Variants in RAPGEF5 observed in about 807,000 individuals in gnomAD.
The protein encoded by RAPGEF5 is M-Ras-regulated GEF.
A neutral mutation model predicts 125.2 loss-of-function variants in RAPGEF5; 65 were observed. That is an observed-to-expected ratio of 0.52 (90% CI 0.43 to 0.64). The LOEUF is 0.64. Ranked by LOEUF, RAPGEF5 falls within the 30% of genes least tolerant of loss-of-function variation. The pLI is 0.00. For missense variants in RAPGEF5, 958 were observed against 1,048.1 expected (o/e 0.91, Z 1.19); for synonymous variants, 391 against 385.9 (o/e 1.01, Z -0.16).
intron 25 of RAPGEF5, among the ~76,000 whole-genome samples, chr7:22,123,205 G>C (rs1467430763): frequency 6.6e-6 from 1 of 152,198 alleles, no homozygotes; most frequent in Non-Finnish European, 1.5e-5. Flanking sequence ...ATCTAGGGCA[G>C]TCAAGGAATC....
intron 11 of RAPGEF5, among the ~76,000 whole-genome samples, chr7:22,175,365 T>C (rs1032830006): frequency 1.5e-4 from 23 of 152,188 alleles, no homozygotes; most frequent in African/African-American, 5.5e-4. Context: ...ACACCATATA[T>C]CACACTGTTT....
chr7:22,162,867 T>C (rs1981601), intron 12 of RAPGEF5: 267,783 of 473,692 alleles, frequency 0.57, 76,796 homozygotes, highest in East Asian at 0.66. Context: ...ACAGTGACTC[T>C]AAGAAGAGAG....
At chr7:22,302,654 CAG>C (rs1050754516) in intron 5 of RAPGEF5, among the ~76,000 whole-genome samples, 2 of 152,094 alleles carry the variant, frequency 1.3e-5, no homozygotes, top group African/African-American at 2.4e-5. Context: ...CCTTGAGAAA[CAG>C]GGAGAAATAC....
At chr7:22,316,672 T>G (rs1783607316) in intron 2 of RAPGEF5, among the ~76,000 whole-genome samples, 1 of 150,482 alleles carries the variant, frequency 6.6e-6, no homozygotes, top group Non-Finnish European at 1.5e-5. Context: ...TGTTTTTTGT[T>G]TTTTTTTGTA....
intron 7 of RAPGEF5, among the ~76,000 whole-genome samples, chr7:22,249,226 C>T (rs1786556818): frequency 6.6e-6 from 1 of 152,192 alleles, no homozygotes; most frequent in Non-Finnish European, 1.5e-5. Context: ...GAATCTCACT[C>T]TGCCACCCAG....
chr7:22,195,283 G>A (rs767011485), intron 9 of RAPGEF5, among the ~76,000 whole-genome samples: 8 of 152,118 alleles, frequency 5.3e-5, no homozygotes, highest in East Asian at 1.9e-4. Context: ...ATAAGAAGAG[G>A]AAGGCACTAA....
chr7:22,189,460 G>T (rs1340034004), intron 11 of RAPGEF5, among the ~76,000 whole-genome samples: 1 of 152,134 alleles, frequency 6.6e-6, no homozygotes, highest in Non-Finnish European at 1.5e-5. Flanking sequence ...GAGCAGGACT[G>T]GCTGGGCCCA....
At chr7:22,239,363 C>G (rs773522037) in intron 7 of RAPGEF5, among the ~76,000 whole-genome samples, 1 of 152,096 alleles carries the variant, frequency 6.6e-6, no homozygotes, top group Non-Finnish European at 1.5e-5. Context: ...TTTTTATTAA[C>G]GTTTGAATAA....
rs1783662704 is a variant in RAPGEF5, at chr7:22,319,098, T to C, written c.232-1061A>G. ...CCTAATGATCCAGGAAACAGCACCATCACCTACATACGCTTAAGCACAATA... is the reference window on the plus strand; with the variant it reads ...CCTAATGATCCAGGAAACAGCACCACCACCTACATACGCTTAAGCACAATA... On this transcript the variant is annotated intron_variant, in intron 1 of 25. Coordinates refer to ENST00000665637, the MANE Select transcript of RAPGEF5 (RefSeq NM_012294.5). Among the ~76,000 whole-genome samples, 4 of 152,324 alleles carry C rather than the reference T, an allele frequency of 2.6e-5. 1 individual carries two copies. The South Asian group carries it at 8.3e-4, about 32-fold the overall frequency.
At chr7:22,220,778 CA>C (rs1785767398) in intron 8 of RAPGEF5, among the ~76,000 whole-genome samples, 1 of 151,686 alleles carries the variant, frequency 6.6e-6, no homozygotes, top group Non-Finnish European at 1.5e-5. Context: ...AAATTCTTTC[CA>C]AAATGGTTCA....
At chr7:22,181,923 A>G (rs1784686294) in intron 11 of RAPGEF5, among the ~76,000 whole-genome samples, 1 of 152,208 alleles carries the variant, frequency 6.6e-6, no homozygotes, top group Non-Finnish European at 1.5e-5. Context: ...TCTCCCACAC[A>G]AAGAATATCT....
At position 22,177,857 on chromosome 7, in the gene RAPGEF5, G is replaced by C. The variant is rs541573882; in HGVS notation, c.1205-10709C>G. Among the ~76,000 whole-genome samples, 11 of 152,248 alleles carry C rather than the reference G, an allele frequency of 7.2e-5. No individual in the cohort carries two copies. In the South Asian group the frequency reaches 2.1e-3, roughly 29 times the overall value. On this transcript the variant is annotated intron_variant, in intron 11 of 25. Coordinates refer to ENST00000665637, the MANE Select transcript of RAPGEF5 (RefSeq NM_012294.5). ...GGACCCAAATAACCCATCCGGTTTAGGGGAAAAGAAAATGCAGGAAAGTAA... is the reference window on the plus strand; with the variant it reads ...GGACCCAAATAACCCATCCGGTTTACGGGAAAAGAAAATGCAGGAAAGTAA...
At chr7:22,180,537 G>C (rs142064611) in intron 11 of RAPGEF5, among the ~76,000 whole-genome samples, 2 of 152,246 alleles carry the variant, frequency 1.3e-5, no homozygotes, top group Admixed American at 6.5e-5. Flanking sequence ...TATCAGAGTG[G>C]CTTTATCGGC....
chr7:22,301,165 G>A (rs1017819012), intron 5 of RAPGEF5, among the ~76,000 whole-genome samples: 1 of 152,194 alleles, frequency 6.6e-6, no homozygotes, highest in African/African-American at 2.4e-5. Flanking sequence ...ATCAATACAA[G>A]AGATAGGCTG....
chr7:22,247,851 T>C (rs1786518056), intron 7 of RAPGEF5, among the ~76,000 whole-genome samples: 2 of 152,212 alleles, frequency 1.3e-5, no homozygotes, highest in South Asian at 2.1e-4. Flanking sequence ...GAGGCCATTA[T>C]ACTACGTGAA....
At chr7:22,163,828 T>G (rs1464108524) in intron 12 of RAPGEF5, among the ~76,000 whole-genome samples, 3 of 152,198 alleles carry the variant, frequency 2.0e-5, no homozygotes, top group Non-Finnish European at 2.9e-5. Context: ...CATTATATAT[T>G]CTTTAACACT....
intron 1 of RAPGEF5, among the ~76,000 whole-genome samples, chr7:22,327,613 G>A (rs1783838848): frequency 6.6e-6 from 1 of 152,216 alleles, no homozygotes; most frequent in Non-Finnish European, 1.5e-5. Flanking sequence ...GGTTCACCTT[G>A]CTTGGATTCA....
intron 17 of RAPGEF5, among the ~76,000 whole-genome samples, chr7:22,151,905 A>G (rs6973379): frequency 0.3 from 45,960 of 152,036 alleles, 7,429 homozygotes; most frequent in Non-Finnish European, 0.36. Flanking sequence ...AATTGTTCCT[A>G]TCCTTTGACC....
chr7:22,146,837 T>C (rs1736298343), intron 19 of RAPGEF5, 60 bp downstream of exon 19: 5 of 1,560,312 alleles, frequency 3.2e-6, no homozygotes, highest in Non-Finnish European at 4.3e-6. Flanking sequence ...ATTGATATTC[T>C]TCACAAAGAA....
Sources: gnomAD v4.1 joint callset for allele counts (sites outside exome capture counted in the v4.1 genomes callset) on GRCh38, gnomAD v4.1.1 for gene constraint, MANE v1.5 for transcripts, NCBI Gene and HGNC (gene_info 2026-07-23, HGNC 2026-07-21) for gene names.